SLC24A2: variants seen among roughly 807,000 people sequenced by gnomAD.
SLC24A2 encodes sodium/potassium/calcium exchanger 2.
A neutral mutation model predicts 62.0 loss-of-function variants in SLC24A2; 36 were observed. That is an observed-to-expected ratio of 0.58 (90% CI 0.44 to 0.77). SLC24A2 has a LOEUF of 0.77. Among genes scored for constraint, SLC24A2 ranks in the 30% least tolerant of loss-of-function variants. SLC24A2 has a pLI of 0.00. For missense variants in SLC24A2, 846 were observed against 817.9 expected, an observed-to-expected ratio of 1.03 and a Z score of -0.42; for synonymous variants, 358 against 294.0, an observed-to-expected ratio of 1.22 and a Z score of -2.23.
intron 7 of SLC24A2, among the ~76,000 whole-genome samples, chr9:19,568,890 C>T (rs1400546582): frequency 1.3e-5 from 2 of 152,168 alleles, no homozygotes; most frequent in Non-Finnish European, 2.9e-5. Context: ...AAGTAAGTAA[C>T]ATGACTAGTT....
the SLC24A2 span, among the ~76,000 whole-genome samples, chr9:19,960,457 A>G: frequency 1.3e-5 from 2 of 152,210 alleles, no homozygotes; most frequent in African/African-American, 2.4e-5. Flanking sequence ...CAATAAAATT[A>G]GTAGGAAGAG....
At chr9:19,666,019 T>C (rs1418892278) in intron 2 of SLC24A2, among the ~76,000 whole-genome samples, 1 of 152,082 alleles carries the variant, frequency 6.6e-6, no homozygotes, top group Non-Finnish European at 1.5e-5. Flanking sequence ...AAAGAGCATA[T>C]GGTATGCAAA....
intron 8 of SLC24A2, among the ~76,000 whole-genome samples, chr9:19,542,439 C>T (rs962355043): frequency 6.6e-6 from 1 of 152,180 alleles, no homozygotes; most frequent in Admixed American, 6.5e-5. Context: ...GTTTCTTTCT[C>T]TTGCCTGATT....
At chr9:19,896,797 A>G in the SLC24A2 span, among the ~76,000 whole-genome samples, 1 of 152,206 alleles carries the variant, frequency 6.6e-6, no homozygotes, top group Non-Finnish European at 1.5e-5. Flanking sequence ...TTCTTTGTCT[A>G]TAAAAGGGGA....
At chr9:19,637,888 A>T (rs1818398965) in intron 2 of SLC24A2, among the ~76,000 whole-genome samples, 1 of 152,188 alleles carries the variant, frequency 6.6e-6, no homozygotes, top group Non-Finnish European at 1.5e-5. Context: ...GCAAAAGAAC[A>T]ATCAACCAGT....
chr9:19,857,759 TTG>T, the SLC24A2 span, among the ~76,000 whole-genome samples: 4 of 149,284 alleles, frequency 2.7e-5, no homozygotes, highest in African/African-American at 7.5e-5. Flanking sequence ...TTTTTTTTTT[TTG>T]GTGTGCAGAT....
rs141642247 is a variant in SLC24A2, at chr9:19,718,893, G to A, written c.930+67044C>T. On this transcript the variant is annotated intron_variant, in intron 2 of 10. Coordinates refer to ENST00000341998, the MANE Select transcript of SLC24A2 (RefSeq NM_020344.4). ...TCTGAATTTATGCTGGTTTCTTGCC[G>A]TTTGAGATTTTAGAGCTGGTCTGTG... 2.9e-3 allele frequency among the ~76,000 whole-genome samples: 437 copies of A among 152,226 alleles called. 5 individuals are homozygous for A. The highest frequency in any genetic ancestry group is 0.01 in the African/African-American group (418 of 41,524).
the SLC24A2 span, among the ~76,000 whole-genome samples, chr9:19,813,123 C>A: frequency 6.6e-6 from 1 of 152,040 alleles, no homozygotes; most frequent in Non-Finnish European, 1.5e-5. Flanking sequence ...GTTTTTGGCC[C>A]AGGATATTTC....
chr9:19,732,887 A>G (rs1821381447), intron 2 of SLC24A2, among the ~76,000 whole-genome samples: 1 of 152,200 alleles, frequency 6.6e-6, no homozygotes, highest in African/African-American at 2.4e-5. Flanking sequence ...AAAAAAATCC[A>G]GATTTTTCAA....
At chr9:20,045,919 G>T in the SLC24A2 span, among the ~76,000 whole-genome samples, 1 of 152,124 alleles carries the variant, frequency 6.6e-6, no homozygotes, top group Non-Finnish European at 1.5e-5. Flanking sequence ...CTGGTAGGCT[G>T]GTTCTAGAGC....
At chr9:19,939,815 A>G in the SLC24A2 span, among the ~76,000 whole-genome samples, 1 of 152,230 alleles carries the variant, frequency 6.6e-6, no homozygotes, top group African/African-American at 2.4e-5. Context: ...TGCTGTAGGT[A>G]GAAATAAACT....
chr9:19,679,006 C>A (rs895403690), intron 2 of SLC24A2, among the ~76,000 whole-genome samples: 6 of 152,178 alleles, frequency 3.9e-5, no homozygotes, highest in Admixed American at 6.5e-5. Context: ...GATGGAGTTG[C>A]AAATGATGAC....
chr9:19,628,475 C>T (rs574472849), intron 2 of SLC24A2, among the ~76,000 whole-genome samples: 3 of 152,266 alleles, frequency 2.0e-5, no homozygotes, highest in Non-Finnish European at 4.4e-5. Context: ...TAGGAATTAA[C>T]AACCCGACTA....
chr9:20,016,458 C>G, the SLC24A2 span, among the ~76,000 whole-genome samples: 2 of 152,150 alleles, frequency 1.3e-5, no homozygotes, highest in African/African-American at 4.8e-5. Flanking sequence ...AAGTGATTTC[C>G]TGAGTATGTT....
At chr9:19,865,224 G>T in the SLC24A2 span, among the ~76,000 whole-genome samples, 1 of 152,024 alleles carries the variant, frequency 6.6e-6, no homozygotes, top group Non-Finnish European at 1.5e-5. Context: ...TTCATGCATT[G>T]GAACAATCAC....
the SLC24A2 span, among the ~76,000 whole-genome samples, chr9:19,917,934 C>T: frequency 3.5e-4 from 54 of 152,184 alleles, no homozygotes; most frequent in African/African-American, 1.3e-3. Context: ...TTGGTAATGG[C>T]AATGCCTGTA....
intron 2 of SLC24A2, among the ~76,000 whole-genome samples, chr9:19,764,403 A>G (rs926184425): frequency 6.6e-6 from 1 of 152,126 alleles, no homozygotes; most frequent in Non-Finnish European, 1.5e-5. Context: ...TAGAGTGTCA[A>G]TTTTGGATCT....
chr9:20,048,602 C>A, the SLC24A2 span, among the ~76,000 whole-genome samples: 1 of 152,014 alleles, frequency 6.6e-6, no homozygotes, highest in African/African-American at 2.4e-5. Context: ...AGTCAACATT[C>A]AAAACAGGGA....
chr9:20,207,568 C>A, the SLC24A2 span, among the ~76,000 whole-genome samples: 1 of 152,218 alleles, frequency 6.6e-6, no homozygotes, highest in Non-Finnish European at 1.5e-5. Flanking sequence ...CTATAATTAT[C>A]TTTCTATATC....
Sources: allele counts gnomAD v4.1 joint callset (sites outside exome capture counted in the v4.1 genomes callset), GRCh38; gene constraint gnomAD v4.1.1; transcripts MANE v1.5; gene names NCBI Gene and HGNC (gene_info 2026-07-23, HGNC 2026-07-21).